The following F7 variants were observed in gnomAD, a reference collection of about 807,000 sequenced individuals.
F7 encodes the protein coagulation factor VII.
A neutral mutation model predicts 47.5 loss-of-function variants in F7; 38 were observed. The observed-to-expected ratio is 0.80, with a 90% CI of 0.62 to 1.05. The LOEUF is 1.05. Ranked by LOEUF, F7 falls within the 50% of genes least tolerant of loss-of-function variation. The pLI, the probability that F7 is intolerant of heterozygous loss-of-function variation, is 0.00. For synonymous variants in F7, 244 were observed against 258.5 expected, an observed-to-expected ratio of 0.94 and a Z score of 0.54; for missense variants, 575 against 605.4, an observed-to-expected ratio of 0.95 and a Z score of 0.53.
At chr13:113,118,349 C>G in intron 7 of F7, 64 bp from the exon 8 acceptor site, 1 of 1,516,154 alleles carries the variant, frequency 6.6e-7, no homozygotes, top group Non-Finnish European at 8.9e-7. Context: ...CAGCCCATCC[C>G]CATGCACCAG....
At chr13:113,114,200 G>A (rs978872603) in intron 4 of F7, among the ~76,000 whole-genome samples, 2 of 152,160 alleles carry the variant, frequency 1.3e-5, no homozygotes, top group African/African-American at 2.4e-5. Flanking sequence ...CCCGGCCCTG[G>A]GCAATTCTCA....
chr13:113,118,101 G>C (rs2036228731), intron 7 of F7, among the ~76,000 whole-genome samples: 1 of 152,190 alleles, frequency 6.6e-6, no homozygotes, highest in South Asian at 2.1e-4. Flanking sequence ...GCACTCCCAG[G>C]AGGGCCACTG....
rs1295903526 is a variant in F7 at position 113,113,995 on chromosome 13, G to A, written c.364+35G>A. On this transcript the variant is annotated intron_variant, in intron 4 of 7. Transcript: ENST00000346342. The surrounding 1 kb of genome is among the most constrained non-coding windows in gnomAD (Gnocchi z 4.1). ...CACTTTGGGTCCCATATTTGCAGAGGGCCCTGGGGAGCTGGTGGAGGTGGC... is the reference window on the plus strand; with the variant it reads ...CACTTTGGGTCCCATATTTGCAGAGAGCCCTGGGGAGCTGGTGGAGGTGGC... 1.2e-6 allele frequency: 2 copies of A among 1,611,424 alleles called. No individual in the cohort carries two copies. The highest frequency in any genetic ancestry group is 1.7e-6 in the Non-Finnish European group (2 of 1,179,082).
rs375583335 is a variant in F7 at position 113,113,727 on chromosome 13, G to C, written c.226-25G>C. 9.3e-6 allele frequency: 15 copies of C among 1,612,204 alleles called. No homozygotes were observed. The highest frequency in any genetic ancestry group is 1.3e-5 in the Non-Finnish European group (15 of 1,178,252). ...GTGCTCTGGTGAAGGTGCATCTCAC[G>C]AGGCTTGCTCTCTTGTTCCTTCAGA... On this transcript the variant is annotated intron_variant, in intron 2 of 7. Transcript: ENST00000346342. This position sits in a 1 kb window ranked among gnomAD's most constrained non-coding sequence, Gnocchi z 4.1.
chr13:113,110,566 C>T (rs577354332), intron 1 of F7, 124 bp from the exon 2 acceptor site: 72 of 1,349,716 alleles, frequency 5.3e-5, no homozygotes, highest in Non-Finnish European at 7.1e-5. Flanking sequence ...CCGCGAGCAG[C>T]GCCGCTCCCC....
At chr13:113,115,405 A>AC (rs1440111172) in intron 4 of F7, among the ~76,000 whole-genome samples, 1 of 151,652 alleles carries the variant, frequency 6.6e-6, no homozygotes, top group African/African-American at 2.4e-5. Flanking sequence ...CCAGCCAGGC[A>AC]CCCCCCAAAT....
In F7 at chr13:113,115,679, C is replaced by T; in HGVS notation, c.384C>T (p.Ile128=). ...CCCCAGACAAGGATGACCAGCTGAT[C>T]TGTGTGAACGAGAACGGCGGCTGTG... ...NCETHKDDQL[I]CVNENGGCEQ... is the part of the protein sequence containing the mutation. Residue 128 remains isoleucine (I), a synonymous_variant, in exon 5 of 8, where the codon ATC becomes ATT. Coordinates refer to ENST00000346342, the MANE Select transcript of F7 (RefSeq NM_019616.4). The T allele has an allele frequency of 1.9e-6, 3 of 1,613,224 alleles. No individual in the cohort carries two copies. The highest frequency in any genetic ancestry group is 2.5e-6 in the Non-Finnish European group (3 of 1,179,974).
At chr13:113,115,936 G>T in intron 5 of F7, 136 bp downstream of exon 5, 1 of 1,320,590 alleles carries the variant, frequency 7.6e-7, no homozygotes, top group Non-Finnish European at 1.1e-6. Context: ...ATTGTGAGGT[G>T]GGATCTGGGC....
rs764680295 is a variant in F7 at position 113,118,986 on chromosome 13, T to G, written c.1313T>G (p.Leu438Arg). 8.1e-6 allele frequency: 13 copies of G among 1,600,654 alleles called. 1 individual carries two copies. The South Asian group carries it at 1.4e-4, about 18-fold the overall frequency. The change falls in exon 8 of 8, where the codon CTC becomes CGC. Residue 438 changes from leucine (L) to arginine (R), a missense_variant. Coordinates refer to ENST00000346342, the MANE Select transcript of F7 (RefSeq NM_019616.4). Reference sequence around the variant, plus strand: ...CGCTCAGAGCCACGCCCAGGAGTCCTCCTGCGAGCCCCATTTCCCTAGCCC... The same window carrying G: ...CGCTCAGAGCCACGCCCAGGAGTCCGCCTGCGAGCCCCATTTCCCTAGCCC... ...LMRSEPRPGV[L>R]LRAPFP
At chr13:113,111,403 ACACT>A (rs1261937704) in intron 2 of F7, among the ~76,000 whole-genome samples, 237 of 101,864 alleles carry the variant, frequency 2.3e-3, no homozygotes, top group African/African-American at 0.013. Context: ...AGGTCACCTC[ACACT>A]CACAGGACAC....
At chr13:113,112,750 G>A (rs1205054168) in intron 2 of F7, among the ~76,000 whole-genome samples, 1 of 145,628 alleles carries the variant, frequency 6.9e-6, no homozygotes, top group Non-Finnish European at 1.5e-5. Flanking sequence ...CACACCCACA[G>A]GACACCTCAC....
intron 2 of F7, among the ~76,000 whole-genome samples, chr13:113,111,691 CTT>C (rs1313038790): frequency 3.1e-4 from 20 of 65,072 alleles, no homozygotes; most frequent in African/African-American, 1.2e-3. Context: ...ACGGGGCACA[CTT>C]CACACTCACA....
chr13:113,106,951 G>A, intron 1 of F7: 2 of 1,566,578 alleles, frequency 1.3e-6, no homozygotes, highest in South Asian at 1.2e-5. Context: ...GGGGCCCAGT[G>A]GGGGCCAACA....
intron 1 of F7, among the ~76,000 whole-genome samples, chr13:113,107,136 C>CTT (rs2035976637): frequency 6.6e-6 from 1 of 152,112 alleles, no homozygotes; most frequent in Non-Finnish European, 1.5e-5. Context: ...TCCAGATAAT[C>CTT]GTGTGTTCTT....
chr13:113,109,249 G>T (rs1314410956), intron 1 of F7, among the ~76,000 whole-genome samples: 6 of 144,490 alleles, frequency 4.2e-5, no homozygotes, highest in Non-Finnish European at 7.6e-5. Context: ...TGTCCCGGGG[G>T]TCGTGGGTGT....
intron 6 of F7, chr13:113,117,141 G>A (rs1424147531): frequency 1.8e-5 from 11 of 609,764 alleles, no homozygotes; most frequent in Non-Finnish European, 2.9e-5. Context: ...TCGTCCTCAC[G>A]GTTACTCTTT....
In F7 at chr13:113,118,958, A is replaced by G; in HGVS notation, c.1285A>G (p.Met429Val). The part of the protein sequence containing the change: ...SQYIEWLQKL[M>V]RSEPRPGVLL... ...GTACATCGAGTGGCTGCAAAAGCTC[A>G]TGCGCTCAGAGCCACGCCCAGGAGT... Residue 429 changes from methionine (M) to valine (V), a missense_variant, in exon 8 of 8, where the codon ATG (methionine) becomes GTG (valine). Physicochemically the swap from Met to Val is conservative, Grantham distance 21 (BLOSUM62 1). Transcript: ENST00000346342. 3 of 1,606,174 alleles carry G rather than the reference A, an allele frequency of 1.9e-6. No homozygotes were observed. The highest frequency in any genetic ancestry group is 2.5e-6 in the Non-Finnish European group (3 of 1,179,968).
chr13:113,106,679 G>C (rs549551987), intron 1 of F7, among the ~76,000 whole-genome samples: 3 of 129,866 alleles, frequency 2.3e-5, no homozygotes, highest in Admixed American at 2.3e-4. Flanking sequence ...GTGGGGCATG[G>C]GGATGGCGAG....
In F7 at chr13:113,120,134, G is replaced by A. The variant is rs907994830; in HGVS notation, c.*1126G>A. The A allele has an allele frequency of 1.3e-5, 2 of 152,174 alleles. No individual in the cohort carries two copies. The highest frequency in any genetic ancestry group is 6.5e-5 in the Admixed American group (1 of 15,284). The allele number at this position is 152,174 out of a possible 1,614,324, so 9.4% of individuals were successfully genotyped here. On this transcript the variant is annotated 3_prime_UTR_variant, in exon 8 of 8. Transcript: ENST00000346342. ...CATCACTGAAATGAACCCTCACATG[G>A]AAGCTATTTTTTAAAAACAAAAGCT...
Sources: allele counts gnomAD v4.1 joint callset (sites outside exome capture counted in the v4.1 genomes callset), GRCh38; gene constraint gnomAD v4.1.1; non-coding constraint Gnocchi (gnomAD v3.1); transcripts MANE v1.5; gene names NCBI Gene and HGNC (gene_info 2026-07-23, HGNC 2026-07-21).